PCDHA9: variants seen among roughly 807,000 people sequenced by gnomAD.
PCDHA9 encodes the protein protocadherin alpha-9.
In PCDHA9, 62 loss-of-function variants were observed where a neutral mutation model predicts 62.0. That is an observed-to-expected ratio of 1.00 (90% CI 0.81 to 1.23). PCDHA9 has a LOEUF of 1.23. PCDHA9 is among the 50% of genes most tolerant of loss of function. PCDHA9 has a pLI of 0.00. For missense variants in PCDHA9, 1,205 were observed against 1,249.8 expected, an observed-to-expected ratio of 0.96 and a Z score of 0.54; for synonymous variants, 557 against 567.6, an observed-to-expected ratio of 0.98 and a Z score of 0.27.
chr5:140,963,680 T>G (rs1482854996), intron 1 of PCDHA9, among the ~76,000 whole-genome samples: 1 of 152,238 alleles, frequency 6.6e-6, no homozygotes, highest in African/African-American at 2.4e-5. Context: ...TTAAATGTGT[T>G]TATCCGTGTT....
chr5:140,881,241 T>C, intron 1 of PCDHA9: 1 of 382,456 alleles, frequency 2.6e-6, no homozygotes, highest in Non-Finnish European at 3.6e-6. Context: ...TCAATTTAAA[T>C]GACGGCAAGG....
rs555838945 is a variant in PCDHA9, at chr5:140,927,094, G to A, written c.2395-51855G>A. On this transcript the variant is annotated intron_variant, in intron 1 of 3. Coordinates refer to ENST00000532602, the MANE Select transcript of PCDHA9 (RefSeq NM_031857.2). ...CAGCCACCGCGAGCTCTACTTCGGG[G>A]TGGATCTACCCAGCGGCAATTTGGT... 5 of 1,612,890 alleles carry A rather than the reference G, an allele frequency of 3.1e-6. No homozygotes were observed. In the Admixed American group the frequency reaches 8.3e-5, roughly 27 times the overall value.
intron 1 of PCDHA9, chr5:140,966,229 A>T (rs1027352378): frequency 1.1e-5 from 3 of 277,852 alleles, no homozygotes; most frequent in African/African-American, 6.6e-5. Context: ...ATCTCCTTAA[A>T]GACCCGTTAA....
intron 3 of PCDHA9, among the ~76,000 whole-genome samples, chr5:140,997,002 G>T (rs534893055): frequency 1.3e-5 from 2 of 152,118 alleles, no homozygotes; most frequent in East Asian, 1.9e-4. Context: ...TAACAATTTT[G>T]TGTGTATCCT....
At position 140,848,580 on chromosome 5, in the gene PCDHA9, G is replaced by C. The variant is rs2150413370; in HGVS notation, c.85G>C (p.Gly29Arg). The C allele has an allele frequency of 3.1e-6, 5 of 1,595,144 alleles. No individual in the cohort carries two copies. The highest frequency in any genetic ancestry group is 1.3e-5 in the African/African-American group (1 of 74,480). The change falls in exon 1 of 4, where the codon GGC becomes CGC. Residue 29 changes from glycine (G) to arginine (R), a missense_variant. Transcript: ENST00000532602. ...LILAMWVVGS[G>R]QLHYSVPEEA... is the part of the protein sequence containing the mutation. ...CCTCGCAATGTGGGTGGTGGGGAGC[G>C]GCCAGCTCCACTACTCCGTCCCGGA...
chr5:140,857,483 T>C lies in PCDHA9; in HGVS notation c.2394+6594T>C, dbSNP rs781790244. 2.8e-5 allele frequency: 44 copies of C among 1,598,450 alleles called. 2 individuals carry two copies. Among genetic ancestry groups the C allele is most frequent in the Non-Finnish European group, 3.2e-5 (37 of 1,167,868 alleles). On this transcript the variant is annotated intron_variant, in intron 1 of 3. Transcript: ENST00000532602. ...CTGCCACATCTTCACGGTGTCTGCG[T>C]GGGACGCGGACGCGCAGGAGAACGC...
At position 140,949,239 on chromosome 5, in the gene PCDHA9, C is replaced by T. The variant is rs563720988; in HGVS notation, c.2395-29710C>T. 4.0e-5 allele frequency among the ~76,000 whole-genome samples: 6 copies of T among 151,886 alleles called. No individual in the cohort carries two copies. The East Asian group carries it at 1.2e-3, about 29-fold the overall frequency. On this transcript the variant is annotated intron_variant, in intron 1 of 3. Transcript: ENST00000532602. ...TTAGACTTGTTCTGTGGCCCAGCAA[C>T]AGTCTATCTTGATGAACATATCACG...
intron 1 of PCDHA9, among the ~76,000 whole-genome samples, chr5:140,873,773 G>A (rs1554166889): frequency 6.6e-6 from 1 of 152,120 alleles, no homozygotes; most frequent in Non-Finnish European, 1.5e-5. Context: ...CAATTCTCCT[G>A]CCTCAGCTTT....
chr5:140,884,054 G>C (rs1313975286), intron 1 of PCDHA9: 8 of 1,613,390 alleles, frequency 5.0e-6, no homozygotes, highest in Non-Finnish European at 4.2e-6. Context: ...GAAGGTGCGC[G>C]CGGTGGACGC....
chr5:140,898,579 T>A (rs1471026172), intron 1 of PCDHA9, among the ~76,000 whole-genome samples: 1 of 152,222 alleles, frequency 6.6e-6, no homozygotes, highest in African/African-American at 2.4e-5. Flanking sequence ...GCCATGCTGT[T>A]TTGGTTACTG....
intron 1 of PCDHA9, among the ~76,000 whole-genome samples, chr5:140,893,379 ACAG>A (rs2063957000): frequency 6.6e-6 from 1 of 152,140 alleles, no homozygotes; most frequent in South Asian, 2.1e-4. Context: ...CATTTATGGG[ACAG>A]TGGCTCATGC....
chr5:140,898,456 C>G (rs1333861280), intron 1 of PCDHA9, among the ~76,000 whole-genome samples: 2 of 152,134 alleles, frequency 1.3e-5, no homozygotes, highest in African/African-American at 2.4e-5. Flanking sequence ...AATCCTTTCC[C>G]CATTGCTTGT....
Position 140,980,554 on chromosome 5 carries a change from C to T in PCDHA9, c.2453+1547C>T, listed in dbSNP as rs1283128844. Among the ~76,000 whole-genome samples, 9 of 152,008 alleles carry T rather than the reference C, an allele frequency of 5.9e-5. No individual in the cohort carries two copies. The South Asian group carries it at 1.5e-3, about 25-fold the overall frequency. On this transcript the variant is annotated intron_variant, in intron 2 of 3. Transcript: ENST00000532602. ...CTGAGGCAGGAGAATCGCTTGAACC[C>T]GGGAGGCGGAAGTTGCAGTGAGCCA...
intron 1 of PCDHA9, among the ~76,000 whole-genome samples, chr5:140,918,282 C>CT (rs1554198523): frequency 6.6e-6 from 1 of 152,016 alleles, no homozygotes; most frequent in African/African-American, 2.4e-5. Context: ...GATGTAGGAG[C>CT]TTTTTGGCAG....
chr5:140,996,814 G>T (rs1186688734), intron 3 of PCDHA9, among the ~76,000 whole-genome samples: 1 of 152,144 alleles, frequency 6.6e-6, no homozygotes, highest in African/African-American at 2.4e-5. Flanking sequence ...CTTTCCAAAA[G>T]TAACCACTAC....
intron 1 of PCDHA9, chr5:140,868,985 C>A: frequency 1.3e-6 from 2 of 1,500,940 alleles, no homozygotes; most frequent in Non-Finnish European, 1.8e-6. Context: ...ATACCGGATG[C>A]CACCGTTTAA....
At chr5:140,880,514 T>A (rs2058367516) in intron 1 of PCDHA9, among the ~76,000 whole-genome samples, 1 of 152,198 alleles carries the variant, frequency 6.6e-6, no homozygotes, top group African/African-American at 2.4e-5. Context: ...TTTGGTCACA[T>A]CTCTCAATGT....
intron 1 of PCDHA9, among the ~76,000 whole-genome samples, chr5:140,974,630 A>G (rs1252889789): frequency 6.7e-6 from 1 of 149,794 alleles, no homozygotes; most frequent in Non-Finnish European, 1.5e-5. Context: ...TCCTGCCTCA[A>G]CCTCCCGAGT....
chr5:140,882,226 G>C (rs778262653), intron 1 of PCDHA9: 257 of 1,564,032 alleles, frequency 1.6e-4, no homozygotes, highest in Non-Finnish European at 3.8e-5. Flanking sequence ...GAGGTAAGGC[G>C]TTGTATATAT....
Sources: allele counts gnomAD v4.1 joint callset (sites outside exome capture counted in the v4.1 genomes callset), GRCh38; gene constraint gnomAD v4.1.1; transcripts MANE v1.5; gene names NCBI Gene and HGNC (gene_info 2026-07-23, HGNC 2026-07-21).